The following NCKAP5 variants were observed in gnomAD, a reference collection of about 807,000 sequenced individuals.
The protein encoded by NCKAP5 is nck-associated protein 5.
NCKAP5 carries 92 observed loss-of-function variants against 167.0 expected under a neutral mutation model. The ratio of observed to expected loss-of-function variants is 0.55; its 90% confidence interval spans 0.47 to 0.66. The LOEUF (loss-of-function observed/expected upper bound fraction) is 0.66. Among genes scored for constraint, NCKAP5 ranks in the 30% least tolerant of loss-of-function variants. The pLI, the probability that NCKAP5 is intolerant of heterozygous loss-of-function variation, is 0.00. For missense variants in NCKAP5, 2,378 were observed against 2,315.0 expected (o/e 1.03, Z -0.56); for synonymous variants, 891 against 877.4 (o/e 1.02, Z -0.27).
chr2:132,732,058 T>C lies in NCKAP5; in HGVS notation c.5129-7A>G, dbSNP rs927456462. 2 of 1,603,526 alleles carry C rather than the reference T, an allele frequency of 1.2e-6. No homozygotes were observed. The highest frequency in any genetic ancestry group is 1.7e-6 in the Non-Finnish European group (2 of 1,173,440). ...CTCATCTGGCAGTTGGATTCTGAGA[T>C]AGAGAGACAGAGAGAGAAGGGAATA... On this transcript the variant is annotated splice_polypyrimidine_tract_variant and splice_region_variant and intron_variant, in intron 16 of 19. Transcript: ENST00000409261.
chr2:133,402,307 G>A (rs1163290029), intron 3 of NCKAP5, among the ~76,000 whole-genome samples: 1 of 152,186 alleles, frequency 6.6e-6, no homozygotes, highest in Non-Finnish European at 1.5e-5. Flanking sequence ...TTCCAGGGAT[G>A]AGGAGGAGAA....
intron 3 of NCKAP5, among the ~76,000 whole-genome samples, chr2:133,456,767 G>A (rs1207257923): frequency 1.3e-5 from 2 of 152,028 alleles, no homozygotes; most frequent in Admixed American, 6.6e-5. Flanking sequence ...TTTTTAATTG[G>A]CCTTTCTTGT....
intron 3 of NCKAP5, among the ~76,000 whole-genome samples, chr2:133,393,358 G>T (rs1318434733): frequency 6.6e-6 from 1 of 152,176 alleles, no homozygotes; most frequent in African/African-American, 2.4e-5. Flanking sequence ...CAGTTATCAA[G>T]TGTGCTTATA....
intron 2 of NCKAP5, among the ~76,000 whole-genome samples, chr2:133,533,106 A>G (rs1685492065): frequency 6.6e-6 from 1 of 152,248 alleles, no homozygotes. Flanking sequence ...GGGAAAATAA[A>G]GAGCTGAGTA....
chr2:133,218,335 G>A (rs1326725375), intron 4 of NCKAP5, among the ~76,000 whole-genome samples: 2 of 152,064 alleles, frequency 1.3e-5, no homozygotes, highest in South Asian at 2.1e-4. Context: ...TCTCTTTAAC[G>A]TCTGGCTTAA....
intron 3 of NCKAP5, among the ~76,000 whole-genome samples, chr2:133,392,350 A>G (rs752190492): frequency 3.3e-5 from 5 of 152,210 alleles, no homozygotes; most frequent in Non-Finnish European, 7.3e-5. Context: ...GGTGTATAGG[A>G]AGCTATATCA....
At chr2:132,908,945 C>A (rs942113483) in intron 8 of NCKAP5, among the ~76,000 whole-genome samples, 11 of 152,192 alleles carry the variant, frequency 7.2e-5, no homozygotes, top group African/African-American at 2.7e-4. Flanking sequence ...ATTTCTTCAT[C>A]CTCACTGAAC....
chr2:133,486,309 T>C (rs1159818081), intron 3 of NCKAP5, among the ~76,000 whole-genome samples: 2 of 152,230 alleles, frequency 1.3e-5, no homozygotes, highest in Non-Finnish European at 2.9e-5. Context: ...AAGAAAGGTC[T>C]TAGGTTAGAC....
intron 8 of NCKAP5, among the ~76,000 whole-genome samples, chr2:132,918,982 A>G (rs1338496637): frequency 6.6e-6 from 1 of 152,240 alleles, no homozygotes; most frequent in Non-Finnish European, 1.5e-5. Flanking sequence ...GCACCATGGT[A>G]AGTCACAAAT....
chr2:133,491,378 G>T (rs1161586726), intron 3 of NCKAP5, among the ~76,000 whole-genome samples: 2 of 152,276 alleles, frequency 1.3e-5, no homozygotes, highest in South Asian at 4.2e-4. Context: ...AAGGCTGTCT[G>T]GGAGGGTGGT....
intron 8 of NCKAP5, among the ~76,000 whole-genome samples, chr2:132,947,609 A>G (rs563295801): frequency 2.9e-4 from 44 of 152,276 alleles, no homozygotes; most frequent in Admixed American, 6.5e-4. Flanking sequence ...TGTGAAATCT[A>G]CTGCCTGGGA....
At chr2:133,648,050 T>C in the NCKAP5 span, among the ~76,000 whole-genome samples, 1 of 152,154 alleles carries the variant, frequency 6.6e-6, no homozygotes, top group Non-Finnish European at 1.5e-5. Context: ...GAAAAAGTTA[T>C]TCCATGCAAA....
chr2:133,467,425 A>C lies in NCKAP5; in HGVS notation c.69+50033T>G, dbSNP rs561551142. ...GATTCATTTTGCCAGTATTTTATTGAGGATTTTTGCATCAATGTTCATCAG... is the reference window on the plus strand; with the variant it reads ...GATTCATTTTGCCAGTATTTTATTGCGGATTTTTGCATCAATGTTCATCAG... On this transcript the variant is annotated intron_variant, in intron 3 of 19. Coordinates refer to ENST00000409261, the MANE Select transcript of NCKAP5 (RefSeq NM_207363.3). 1.1e-3 allele frequency among the ~76,000 whole-genome samples: 162 copies of C among 152,302 alleles called. 1 individual carries two copies. Among genetic ancestry groups the C allele is most frequent in the African/African-American group, 3.6e-3 (151 of 41,552 alleles).
the NCKAP5 span, among the ~76,000 whole-genome samples, chr2:133,666,798 T>C: frequency 1.3e-5 from 2 of 151,928 alleles, no homozygotes; most frequent in South Asian, 4.1e-4. Context: ...CACTCCACCA[T>C]CAAATTATGA....
intron 5 of NCKAP5, among the ~76,000 whole-genome samples, chr2:133,176,858 T>C (rs1413541040): frequency 6.6e-6 from 1 of 152,178 alleles, no homozygotes; most frequent in Non-Finnish European, 1.5e-5. Context: ...CTATTCAGAC[T>C]CCACCCCACT....
the NCKAP5 span, among the ~76,000 whole-genome samples, chr2:133,618,777 C>T: frequency 1.4e-5 from 2 of 145,900 alleles, no homozygotes; most frequent in Admixed American, 6.8e-5. Context: ...ACTGGAAATA[C>T]CATTTGACCC....
chr2:133,524,311 T>C (rs1004821322), intron 2 of NCKAP5, among the ~76,000 whole-genome samples: 2 of 152,152 alleles, frequency 1.3e-5, no homozygotes, highest in Non-Finnish European at 2.9e-5. Context: ...CAATTTTTAA[T>C]CTGCAAACCC....
chr2:133,321,030 A>G (rs1682012616), intron 3 of NCKAP5, among the ~76,000 whole-genome samples: 1 of 152,196 alleles, frequency 6.6e-6, no homozygotes, highest in Admixed American at 6.5e-5. Context: ...TAACCCCAGG[A>G]GTCGTGTATG....
intron 3 of NCKAP5, among the ~76,000 whole-genome samples, chr2:133,317,978 G>C (rs1681736102): frequency 6.6e-6 from 1 of 152,188 alleles, no homozygotes; most frequent in Non-Finnish European, 1.5e-5. Flanking sequence ...TCACTGTGCA[G>C]CTCCTCTTTC....
Sources: gnomAD v4.1 joint callset for allele counts (sites outside exome capture counted in the v4.1 genomes callset) on GRCh38, gnomAD v4.1.1 for gene constraint, MANE v1.5 for transcripts, NCBI Gene and HGNC (gene_info 2026-07-23, HGNC 2026-07-21) for gene names.